TRERF1: variants seen among roughly 807,000 people sequenced by gnomAD.
The protein encoded by TRERF1 is transcriptional regulating factor 1.
A neutral mutation model predicts 122.9 loss-of-function variants in TRERF1; 27 were observed. That is an observed-to-expected ratio of 0.22 (90% CI 0.16 to 0.30). The LOEUF is 0.30. Ranked by LOEUF, TRERF1 falls within the 10% of genes least tolerant of loss-of-function variation. TRERF1 has a pLI of 1.00. For synonymous variants in TRERF1, 636 were observed against 641.7 expected, an observed-to-expected ratio of 0.99 and a Z score of 0.13; for missense variants, 1,248 against 1,560.3, an observed-to-expected ratio of 0.80 and a Z score of 3.37.
At chr6:42,230,350 G>C (rs1307846217) in intron 17 of TRERF1, among the ~76,000 whole-genome samples, 1 of 150,824 alleles carries the variant, frequency 6.6e-6, no homozygotes, top group African/African-American at 2.4e-5. Flanking sequence ...TCCAAGCAAC[G>C]TAAGACTCCA....
rs985976520 is a variant in TRERF1, at chr6:42,426,558, C to G, written c.-454+24619G>C. Among the ~76,000 whole-genome samples the G allele has an allele frequency of 2.6e-5, 4 of 152,186 alleles. No homozygotes were observed. In the East Asian group the frequency reaches 5.8e-4, roughly 22 times the overall value. On this transcript the variant is annotated intron_variant, in intron 2 of 17. Coordinates refer to ENST00000372922, the Ensembl canonical transcript of TRERF1. ...ATTATTCCCAAAAAGAATGAAAACT[C>G]CATGTGGGTCATGATCACATCTATT... is the stretch of plus-strand genomic sequence containing the variant.
chr6:42,429,844 C>T (rs1466176003), intron 2 of TRERF1, among the ~76,000 whole-genome samples: 1 of 152,086 alleles, frequency 6.6e-6, no homozygotes, highest in Non-Finnish European at 1.5e-5. Flanking sequence ...AGAAAAGGAA[C>T]AACAGAGCAA....
At chr6:42,394,158 G>A (rs1778190954) in intron 2 of TRERF1, among the ~76,000 whole-genome samples, 1 of 152,110 alleles carries the variant, frequency 6.6e-6, no homozygotes, top group Non-Finnish European at 1.5e-5. Flanking sequence ...CACCCCTCTA[G>A]GGTGAAGGTC....
At position 42,434,991 on chromosome 6, in the gene TRERF1, G is replaced by A. The variant is rs376053836; in HGVS notation, c.-454+16186C>T. ...AAAACTACAAAAAAGTTAGCTGGGCGTGGTGGTGGGTGCCTGTAATCCCAG... is the reference window on the plus strand; with the variant it reads ...AAAACTACAAAAAAGTTAGCTGGGCATGGTGGTGGGTGCCTGTAATCCCAG... On this transcript the variant is annotated intron_variant, in intron 2 of 17. Coordinates refer to ENST00000372922, the Ensembl canonical transcript of TRERF1. Among the ~76,000 whole-genome samples, 146 of 152,160 alleles carry A rather than the reference G, an allele frequency of 9.6e-4. 5 individuals are homozygous for A. In the South Asian group the frequency reaches 0.028, roughly 30 times the overall value.
intron 3 of TRERF1, among the ~76,000 whole-genome samples, chr6:42,309,015 A>AT (rs1478326983): frequency 6.6e-6 from 1 of 151,984 alleles, no homozygotes; most frequent in Non-Finnish European, 1.5e-5. Context: ...CCTAATATAT[A>AT]TTTTTTCTTT....
rs192073917 is a variant in TRERF1 at position 42,439,932 on chromosome 6, C to T, written c.-454+11245G>A. Among the ~76,000 whole-genome samples, 125 of 152,282 alleles carry T rather than the reference C, an allele frequency of 8.2e-4. 1 individual carries two copies. The highest frequency in any genetic ancestry group is 2.6e-3 in the African/African-American group (109 of 41,572). On this transcript the variant is annotated intron_variant, in intron 2 of 17. Transcript: ENST00000372922. Reference sequence around the variant, plus strand: ...GTGTCGTATTTCCATGTTCACATGACGGTCCTTCACTAGACTCTGAGCTCC... The same window carrying T: ...GTGTCGTATTTCCATGTTCACATGATGGTCCTTCACTAGACTCTGAGCTCC...
At chr6:42,241,261 G>A (rs959970281) in intron 15 of TRERF1, among the ~76,000 whole-genome samples, 3 of 152,064 alleles carry the variant, frequency 2.0e-5, no homozygotes, top group Non-Finnish European at 4.4e-5. Context: ...ACTTAAATGA[G>A]TCAAACAAAA....
intron 2 of TRERF1, among the ~76,000 whole-genome samples, chr6:42,374,406 G>A (rs762868581): frequency 5.9e-5 from 9 of 152,120 alleles, no homozygotes; most frequent in Non-Finnish European, 8.8e-5. Flanking sequence ...AGCTGTTGTC[G>A]AGGCCCTTTC....
rs1175724972 is a variant in TRERF1, at chr6:42,269,487, T to C, written c.104A>G (p.Asn35Ser). 18 of 1,614,212 alleles carry C rather than the reference T, an allele frequency of 1.1e-5. No homozygotes were observed. The highest frequency in any genetic ancestry group is 1.4e-5 in the Non-Finnish European group (17 of 1,180,032). The change falls in exon 5 of 18, where the codon AAC (asparagine) becomes AGC (serine). Residue 35 changes from asparagine (N) to serine (S), a missense_variant. Transcript: ENST00000372922. The surrounding 1 kb of genome is among the most constrained non-coding windows in gnomAD (Gnocchi z 4.9). ...GCCCCCTGTAACTGCATTCCCATAG[T>C]TGTGGTTCAGCCCGCTGTGGACGCC...
rs113074104 is a variant in TRERF1 at position 42,228,030 on chromosome 6, T to A, written c.*315A>T. On this transcript the variant is annotated 3_prime_UTR_variant, in exon 18 of 18. Transcript: ENST00000372922. This position sits in a 1 kb window ranked among gnomAD's most constrained non-coding sequence, Gnocchi z 4.2. ...TTGGGATAAAAGGCAACCGGGATGGTTGACATCTGAATGCAATGGAACATG... is the reference window on the plus strand; with the variant it reads ...TTGGGATAAAAGGCAACCGGGATGGATGACATCTGAATGCAATGGAACATG... The A allele has an allele frequency of 0.045, 10,518 of 235,714 alleles. 1,044 individuals are homozygous for A. The highest frequency in any genetic ancestry group is 0.21 in the African/African-American group (9,233 of 43,706). The allele number at this position is 235,714 out of a possible 1,614,324, so 14.6% of individuals were successfully genotyped here.
intron 2 of TRERF1, among the ~76,000 whole-genome samples, chr6:42,364,508 G>A (rs1029805942): frequency 2.0e-5 from 3 of 152,334 alleles, no homozygotes; most frequent in East Asian, 1.9e-4. Context: ...AGAAATAGCT[G>A]TTGAAAGACT....
intron 7 of TRERF1, 26 bp downstream of exon 7, chr6:42,264,678 A>G: frequency 1.2e-6 from 2 of 1,611,248 alleles, no homozygotes; most frequent in Non-Finnish European, 1.7e-6. Context: ...CGACCTAGAA[A>G]GGACCGGGAA....
Position 42,269,227 on chromosome 6 carries a change from A to G in TRERF1, c.364T>C (p.Tyr122His), listed in dbSNP as rs1779804437. ...ATCTCGCTGGCCTGGGAGTAGGTGT[A>G]TTGGTAGCCATCAGTGGGCTCAGCC... Residue 122 changes from tyrosine to histidine, a missense_variant, in exon 5 of 18, where the codon TAC (tyrosine) becomes CAC (histidine). By Grantham distance (83) the Tyr-to-His change is moderately conservative. Around this residue, in one of 5 missense-constraint regions of TRERF1, gnomAD observed 946 missense variants for 1,073.0 expected, o/e 0.88. Coordinates refer to ENST00000372922, the Ensembl canonical transcript of TRERF1. This position sits in a 1 kb window ranked among gnomAD's most constrained non-coding sequence, Gnocchi z 4.9. 4 of 1,614,182 alleles carry G rather than the reference A, an allele frequency of 2.5e-6. No individual in the cohort carries two copies. The East Asian group carries it at 8.9e-5, about 36-fold the overall frequency.
rs555387360 is a variant in TRERF1, at chr6:42,442,570, T to C, written c.-454+8607A>G. 1.5e-4 allele frequency among the ~76,000 whole-genome samples: 23 copies of C among 152,346 alleles called. No homozygotes were observed. The South Asian group carries it at 4.8e-3, about 32-fold the overall frequency. On this transcript the variant is annotated intron_variant, in intron 2 of 17. Transcript: ENST00000372922. The stretch of plus-strand genomic sequence containing the variant: ...ATAGCTGCCCAAATAGCTGCCCAAT[T>C]TGTTAAAGTCAAGTCTTGGCCTTCA...
intron 4 of TRERF1, among the ~76,000 whole-genome samples, chr6:42,282,738 A>T (rs1287484001): frequency 6.6e-6 from 1 of 152,248 alleles, no homozygotes; most frequent in African/African-American, 2.4e-5. Flanking sequence ...ATGTAGGTAT[A>T]TAGATAGTTG....
chr6:42,321,793 AATTT>A (rs1308964890), intron 3 of TRERF1, among the ~76,000 whole-genome samples: 5 of 152,122 alleles, frequency 3.3e-5, no homozygotes, highest in African/African-American at 1.2e-4. Context: ...AAACTCTACC[AATTT>A]TTAAATGTTG....
At chr6:42,435,911 C>T (rs964717488) in intron 2 of TRERF1, among the ~76,000 whole-genome samples, 14 of 151,640 alleles carry the variant, frequency 9.2e-5, no homozygotes, top group African/African-American at 3.4e-4. Flanking sequence ...ACCCAGGAGG[C>T]GGAGGTTGCA....
chr6:42,247,042 C>T (rs1445957966), intron 13 of TRERF1, among the ~76,000 whole-genome samples: 2 of 152,168 alleles, frequency 1.3e-5, no homozygotes, highest in African/African-American at 2.4e-5. Context: ...TAGGCCATGA[C>T]GTTCAAGGTG....
chr6:42,251,608 C>T (rs1175319620), intron 13 of TRERF1, among the ~76,000 whole-genome samples: 2 of 152,152 alleles, frequency 1.3e-5, no homozygotes, highest in African/African-American at 4.8e-5. Context: ...GAGGGGACCA[C>T]TGTCTAGAGA....
Sources: allele counts gnomAD v4.1 joint callset (sites outside exome capture counted in the v4.1 genomes callset), GRCh38; gene constraint gnomAD v4.1.1; regional missense constraint gnomAD v4.1.1; non-coding constraint Gnocchi (gnomAD v3.1); transcripts MANE v1.5; gene names NCBI Gene and HGNC (gene_info 2026-07-23, HGNC 2026-07-21).